STAB2: variants seen among roughly 807,000 people sequenced by gnomAD.
STAB2 encodes the protein stabilin-2.
In STAB2, 288 loss-of-function variants were observed where a neutral mutation model predicts 338.1. That is an observed-to-expected ratio of 0.85 (90% confidence interval 0.77 to 0.94). STAB2 has a LOEUF of 0.94. STAB2 is among the 40% of genes least tolerant of loss of function. The probability of loss-of-function intolerance (pLI) is 0.00; values close to 1 mark genes in which losing one functional copy is unlikely to be tolerated. For synonymous variants in STAB2, 1,202 were observed against 1,193.3 expected, an observed-to-expected ratio of 1.01 and a Z score of -0.15; for missense variants, 3,141 against 3,210.1, an observed-to-expected ratio of 0.98 and a Z score of 0.52.
Position 103,648,746 on chromosome 12 carries a change from T to C in STAB2, c.1097T>C (p.Met366Thr). The C allele has an allele frequency of 6.2e-7, 1 of 1,614,158 alleles. No individual in the cohort carries two copies. The highest frequency in any genetic ancestry group is 1.1e-5 in the South Asian group (1 of 91,076). Residue 366 changes from methionine (M) to threonine (T), a missense_variant, in exon 10 of 69, where the codon ATG becomes ACG. Met to Thr is a moderately conservative substitution (Grantham distance 81, BLOSUM62 -1). Transcript: ENST00000388887. ...GGCTTAACGTGTTATGGAAACATTA[T>C]GGAGCGACTCAGAGAATTAAATACT... is the stretch of plus-strand genomic sequence containing the variant. ...GDGLTCYGNIMERLRELNTEP... is the reference protein window; with the variant it reads ...GDGLTCYGNITERLRELNTEP...
intron 42 of STAB2, among the ~76,000 whole-genome samples, chr12:103,714,746 T>C (rs1370778469): frequency 2.6e-5 from 4 of 152,160 alleles, no homozygotes; most frequent in Non-Finnish European, 4.4e-5. Context: ...TATATATACA[T>C]TTTTAAGCCA....
At chr12:103,617,886 G>A (rs1957235097) in intron 3 of STAB2, among the ~76,000 whole-genome samples, 1 of 152,194 alleles carries the variant, frequency 6.6e-6, no homozygotes, top group Non-Finnish European at 1.5e-5. Context: ...AAATACCACA[G>A]ATCAAAATGG....
chr12:103,744,651 T>C (rs1412130538), intron 56 of STAB2, among the ~76,000 whole-genome samples: 2 of 151,444 alleles, frequency 1.3e-5, no homozygotes, highest in African/African-American at 4.9e-5. Flanking sequence ...TTGTTGTTGT[T>C]GTTTTGTAGA....
intron 59 of STAB2, among the ~76,000 whole-genome samples, chr12:103,749,480 T>C (rs1883390986): frequency 6.6e-6 from 1 of 152,104 alleles, no homozygotes; most frequent in Non-Finnish European, 1.5e-5. Context: ...TAGGAGAGTT[T>C]GCTCTTTGGC....
chr12:103,716,509 T>C (rs1880325225), intron 43 of STAB2, among the ~76,000 whole-genome samples: 1 of 152,156 alleles, frequency 6.6e-6, no homozygotes, highest in Non-Finnish European at 1.5e-5. Context: ...ATATCCAAAA[T>C]TGGATGACAA....
rs760013563 is a variant in STAB2 at position 103,594,423 on chromosome 12, C to G, written c.244C>G (p.Leu82Val). Residue 82 changes from leucine to valine, a missense_variant, in exon 3 of 69, where the codon CTG (leucine) becomes GTG (valine). Coordinates refer to ENST00000388887, the MANE Select transcript of STAB2 (RefSeq NM_017564.10). ...RYTFEVRTYS[L>V]SLPGCRHICR... Reference sequence around the variant, plus strand: ...CACCTTTGAGGTCAGAACATACTCTCTGTCTCTCCCCGGATGCCGCCATAT... The same window carrying G: ...CACCTTTGAGGTCAGAACATACTCTGTGTCTCTCCCCGGATGCCGCCATAT... 2.5e-6 allele frequency: 4 copies of G among 1,613,930 alleles called. No individual in the cohort carries two copies. The highest frequency in any genetic ancestry group is 3.4e-6 in the Non-Finnish European group (4 of 1,179,846).
intron 33 of STAB2, among the ~76,000 whole-genome samples, chr12:103,698,603 G>A (rs781150997): frequency 3.3e-5 from 5 of 152,030 alleles, no homozygotes; most frequent in Non-Finnish European, 7.4e-5. Flanking sequence ...TCGGTCCCAC[G>A]CAGCAACAAC....
chr12:103,623,034 G>T (rs1957326663), intron 5 of STAB2, among the ~76,000 whole-genome samples: 1 of 152,186 alleles, frequency 6.6e-6, no homozygotes, highest in African/African-American at 2.4e-5. Context: ...ATTTTTGGCT[G>T]CCCCCAGAAG....
At chr12:103,609,699 C>T (rs542120626) in intron 3 of STAB2, among the ~76,000 whole-genome samples, 1 of 152,214 alleles carries the variant, frequency 6.6e-6, no homozygotes, top group East Asian at 1.9e-4. Flanking sequence ...TGCCTGATTG[C>T]CCTGGCCAGA....
intron 53 of STAB2, 86 bp downstream of exon 53, chr12:103,737,866 C>T: frequency 6.5e-7 from 1 of 1,539,600 alleles, no homozygotes; most frequent in Non-Finnish European, 8.8e-7. Context: ...GTTGTGAAAC[C>T]ATTAAGGGCC....
At chr12:103,745,105 A>C (rs1423237092) in intron 56 of STAB2, 68 bp from the exon 57 acceptor site, 5 of 1,377,252 alleles carry the variant, frequency 3.6e-6, no homozygotes, top group Non-Finnish European at 5.0e-6. Context: ...ATAGCAAACA[A>C]GGGGTCAGGG....
At chr12:103,665,938 G>A (rs933037341) in intron 18 of STAB2, among the ~76,000 whole-genome samples, 7 of 152,218 alleles carry the variant, frequency 4.6e-5, no homozygotes, top group Admixed American at 6.5e-5. Context: ...CCCTAGCACA[G>A]GTCAATAACT....
chr12:103,723,394 A>G lies in STAB2; in HGVS notation c.4684-1581A>G, dbSNP rs141444905. Among the ~76,000 whole-genome samples, 436 of 152,304 alleles carry G rather than the reference A, an allele frequency of 2.9e-3. 1 individual carries two copies. Among genetic ancestry groups the G allele is most frequent in the Non-Finnish European group, 5.3e-3 (361 of 68,020 alleles). ...ATTTTTAAAACCATCAGATCTCCTG[A>G]GATTCATTCACTATTACAAGAAGAG... On this transcript the variant is annotated intron_variant, in intron 44 of 68. Coordinates refer to ENST00000388887, the MANE Select transcript of STAB2 (RefSeq NM_017564.10).
intron 22 of STAB2, 46 bp downstream of exon 22, chr12:103,670,853 C>T: frequency 2.0e-6 from 3 of 1,521,130 alleles, no homozygotes; most frequent in Non-Finnish European, 2.7e-6. Context: ...AGCAAGGTTC[C>T]CTCTCGTGCT....
intron 39 of STAB2, among the ~76,000 whole-genome samples, chr12:103,710,917 A>T (rs529530442): frequency 6.6e-6 from 1 of 152,314 alleles, no homozygotes; most frequent in African/African-American, 2.4e-5. Flanking sequence ...TCCAAGAGCA[A>T]TAACCTATGC....
Position 103,695,450 on chromosome 12 carries a change from A to G in STAB2, c.3376-100A>G, listed in dbSNP as rs540955501. 6.6e-4 allele frequency: 670 copies of G among 1,012,404 alleles called. 8 individuals are homozygous for G. In the South Asian group the frequency reaches 9.0e-3, roughly 14 times the overall value. The allele number at this position is 1,012,404 out of a possible 1,614,324, so 62.7% of individuals were successfully genotyped here. On this transcript the variant is annotated intron_variant, in intron 31 of 68. Coordinates refer to ENST00000388887, the MANE Select transcript of STAB2 (RefSeq NM_017564.10). ...AAGGTTGTCAATGTCAATCCATTGA[A>G]CTGTCTAAAGAGGTTAATGGCATTA...
At chr12:103,690,584 T>C (rs1345073995) in intron 30 of STAB2, 46 bp downstream of exon 30, 1 of 1,523,314 alleles carries the variant, frequency 6.6e-7, no homozygotes, top group Non-Finnish European at 9.0e-7. Flanking sequence ...ATAACAGCTT[T>C]GTTTATATTG....
chr12:103,712,524 A>G (rs184856895), intron 41 of STAB2, 81 bp downstream of exon 41: 45 of 1,094,506 alleles, frequency 4.1e-5, no homozygotes, highest in Non-Finnish European at 5.9e-5. Flanking sequence ...TGCAGTCTGA[A>G]TGGGCCTCAG....
At chr12:103,732,869 C>A in intron 50 of STAB2, 137 bp from the exon 51 acceptor site, 1 of 919,818 alleles carries the variant, frequency 1.1e-6, no homozygotes, top group Non-Finnish European at 1.6e-6. Context: ...GTTTCTCTAG[C>A]TGCATCACCC....
Sources: allele counts gnomAD v4.1 joint callset (sites outside exome capture counted in the v4.1 genomes callset), GRCh38; gene constraint gnomAD v4.1.1; transcripts MANE v1.5; gene names NCBI Gene and HGNC (gene_info 2026-07-23, HGNC 2026-07-21).